Variants in FAM149A observed in about 807,000 individuals in gnomAD.
FAM149A encodes protein FAM149A.
Under a neutral mutation model 78.2 loss-of-function variants are expected in FAM149A, and 71 were observed. The ratio of observed to expected loss-of-function variants is 0.91; its 90% confidence interval spans 0.75 to 1.11. The LOEUF (loss-of-function observed/expected upper bound fraction) is 1.11. Ranked by LOEUF, FAM149A falls within the 50% of genes least tolerant of loss-of-function variation. The pLI, the probability that FAM149A is intolerant of heterozygous loss-of-function variation, is 0.00. For missense variants in FAM149A, 1,036 were observed against 971.0 expected (o/e 1.07, Z -0.89); for synonymous variants, 446 against 410.5 (o/e 1.09, Z -1.04).
In FAM149A at chr4:186,152,011, T is replaced by C. The variant is rs2126470976; in HGVS notation, c.898T>C (p.Cys300Arg). Residue 300 changes from cysteine to arginine, a missense_variant, in exon 4 of 14, where the codon TGC (cysteine) becomes CGC (arginine). By Grantham distance (180) the Cys-to-Arg change is radical. This residue lies in a region of FAM149A where 716 missense variants were observed against 711.8 expected (regional missense o/e 1.01). Transcript: ENST00000389354. ...TCAGACCCAGAGTCTGCTGGCCGAA[T>C]GCGGGGAGTGGACAAGAAGATCCCT... The C allele has an allele frequency of 4.3e-6, 7 of 1,614,080 alleles. No individual in the cohort carries two copies. The highest frequency in any genetic ancestry group is 5.1e-6 in the Non-Finnish European group (6 of 1,180,006).
intron 3 of FAM149A, among the ~76,000 whole-genome samples, chr4:186,150,477 G>C (rs13127757): frequency 0.034 from 3,938 of 115,784 alleles, 228 homozygotes; most frequent in African/African-American, 0.11. Context: ...TGGAGTGCAG[G>C]GGCGCGATCT....
At chr4:186,120,845 A>AT (rs1257473982) in intron 1 of FAM149A, among the ~76,000 whole-genome samples, 2 of 58,140 alleles carry the variant, frequency 3.4e-5, no homozygotes, top group Non-Finnish European at 6.5e-5. Flanking sequence ...TCAAAATAAT[A>AT]TTCTTTTTTT....
intron 13 of FAM149A, among the ~76,000 whole-genome samples, chr4:186,168,306 C>T (rs1735229169): frequency 6.6e-6 from 1 of 152,164 alleles, no homozygotes; most frequent in South Asian, 2.1e-4. Context: ...ATGTCAACAG[C>T]TCGTTCTCTA....
chr4:186,110,080 A>G lies in FAM149A; in HGVS notation c.566+4438A>G. 6 of 985,420 alleles carry G rather than the reference A, an allele frequency of 6.1e-6. No individual in the cohort carries two copies. The South Asian group carries it at 2.8e-4, about 46-fold the overall frequency. 61.0% of individuals were successfully genotyped at this position (985,420 alleles called of 1,614,324 possible). On this transcript the variant is annotated intron_variant, in intron 1 of 13. Transcript: ENST00000389354. Reference sequence around the variant, plus strand: ...TGATTTATATTCACATCTTATGTCCATTATCAGACTATAAACTCTTTGTCC... The same window carrying G: ...TGATTTATATTCACATCTTATGTCCGTTATCAGACTATAAACTCTTTGTCC...
chr4:186,154,530 C>T lies in FAM149A; in HGVS notation c.1121C>T (p.Pro374Leu), dbSNP rs199925675. 5.0e-6 allele frequency: 8 copies of T among 1,614,020 alleles called. No homozygotes were observed. Among genetic ancestry groups the T allele is most frequent in the African/African-American group, 1.3e-5 (1 of 74,924 alleles). Reference sequence around the variant, plus strand: ...CTCTCAGCCTCTGCCCTGCCAGGCCCTGATGACACAGGGGTTGCTGACCTA... The same window carrying T: ...CTCTCAGCCTCTGCCCTGCCAGGCCTTGATGACACAGGGGTTGCTGACCTA... The change falls in exon 6 of 14, where the codon CCT becomes CTT. Residue 374 changes from proline to leucine, a missense_variant. Pro to Leu is a moderately conservative substitution (Grantham distance 98, BLOSUM62 -3). Coordinates refer to ENST00000389354, the MANE Select transcript of FAM149A (RefSeq NM_001367768.3).
At chr4:186,120,367 G>A (rs2099315451) in intron 1 of FAM149A, among the ~76,000 whole-genome samples, 1 of 151,996 alleles carries the variant, frequency 6.6e-6, no homozygotes, top group Non-Finnish European at 1.5e-5. Context: ...TCCACACATA[G>A]GTATAACCAG....
At chr4:186,166,426 G>A (rs139379286) in intron 11 of FAM149A, among the ~76,000 whole-genome samples, 3,161 of 152,216 alleles carry the variant, frequency 0.021, 105 homozygotes, top group African/African-American at 0.073. Context: ...TGAGGTGGGT[G>A]GATCACGAGG....
intron 6 of FAM149A, among the ~76,000 whole-genome samples, chr4:186,155,622 G>A (rs1243289869): frequency 5.9e-5 from 9 of 151,968 alleles, no homozygotes; most frequent in African/African-American, 2.2e-4. Flanking sequence ...CTCTAAAAGG[G>A]AAGCCTATGG....
chr4:186,104,935 G>A lies in FAM149A; in HGVS notation c.-142G>A, dbSNP rs1214816106. On this transcript the variant is annotated 5_prime_UTR_variant, in exon 1 of 14. Coordinates refer to ENST00000389354, the MANE Select transcript of FAM149A (RefSeq NM_001367768.3). ...CAGCGGCGCGGAGCTGAGCGTCCTCGGGGAGGAGAGGGAGCCAGGGGCCTC... is the reference window on the plus strand; with the variant it reads ...CAGCGGCGCGGAGCTGAGCGTCCTCAGGGAGGAGAGGGAGCCAGGGGCCTC... The A allele has an allele frequency of 6.1e-6, 7 of 1,147,492 alleles. No homozygotes were observed. Among genetic ancestry groups the A allele is most frequent in the East Asian group, 1.9e-4 (2 of 10,336 alleles). The allele number at this position is 1,147,492 out of a possible 1,614,324, so 71.1% of individuals were successfully genotyped here.
rs982059036 is a variant in FAM149A, at chr4:186,164,454, C to T, written c.1889+821C>T. The stretch of plus-strand genomic sequence containing the variant: ...ATCAGGAGCCGAGCTCAGGAGCGGG[C>T]GGCTGCCAACGCTTACCTGGCACCC... On this transcript the variant is annotated intron_variant, in intron 10 of 13. Transcript: ENST00000389354. This position sits in a 1 kb window ranked among gnomAD's most constrained non-coding sequence, Gnocchi z 4.0. 53 of 985,222 alleles carry T rather than the reference C, an allele frequency of 5.4e-5. 1 individual carries two copies. Among genetic ancestry groups the T allele is most frequent in the African/African-American group, 4.7e-4 (27 of 57,240 alleles). The allele number at this position is 985,222 out of a possible 1,614,324, so 61.0% of individuals were successfully genotyped here. A position where few individuals can be genotyped will look rare whatever the true frequency, so the allele number is the denominator to read the frequency against.
intron 1 of FAM149A, among the ~76,000 whole-genome samples, chr4:186,106,854 AGAGGAT>A: frequency 6.6e-6 from 1 of 152,064 alleles, no homozygotes; most frequent in East Asian, 1.9e-4. Flanking sequence ...GGCTGAGGCA[AGAGGAT>A]GATGGCGTGA....
At chr4:186,135,880 A>G (rs904011883) in intron 1 of FAM149A, among the ~76,000 whole-genome samples, 1 of 152,216 alleles carries the variant, frequency 6.6e-6, no homozygotes. Flanking sequence ...GTGTGACCGC[A>G]GCGGGGAGCA....
At chr4:186,158,195 G>T in intron 8 of FAM149A, 1 of 1,281,036 alleles carries the variant, frequency 7.8e-7, no homozygotes, top group Non-Finnish European at 1.0e-6. Flanking sequence ...TCCAGCTGCT[G>T]GCCGCTTCTC....
Position 186,145,139 on chromosome 4 carries a change from G to A in FAM149A, c.567-4034G>A, listed in dbSNP as rs573162723. ...TGAGTCTCATCCGGCAGCAGGGCTC[G>A]CCTTCTGGCCGCTCTGCAGGCGATG... On this transcript the variant is annotated intron_variant, in intron 1 of 13. Coordinates refer to ENST00000389354, the MANE Select transcript of FAM149A (RefSeq NM_001367768.3). The A allele has an allele frequency of 2.2e-4, 218 of 985,588 alleles. 1 individual carries two copies. In the South Asian group the frequency reaches 9.1e-3, roughly 41 times the overall value. The allele number at this position is 985,588 out of a possible 1,614,324, so 61.1% of individuals were successfully genotyped here.
Position 186,132,922 on chromosome 4 carries a change from T to A in FAM149A, c.567-16251T>A, listed in dbSNP as rs1002127495. The A allele has an allele frequency of 6.2e-6, 6 of 960,244 alleles. No homozygotes were observed. In the African/African-American group the frequency reaches 8.8e-5, roughly 14 times the overall value. 59.5% of individuals were successfully genotyped at this position (960,244 alleles called of 1,614,324 possible). A position where few individuals can be genotyped will look rare whatever the true frequency, so the allele number is the denominator to read the frequency against. On this transcript the variant is annotated intron_variant, in intron 1 of 13. Coordinates refer to ENST00000389354, the MANE Select transcript of FAM149A (RefSeq NM_001367768.3). ...TCTTTCCCTAAATTCATGTTCATGT[T>A]AAGCCCTGAACCCCCAGTGTGATGG...
At chr4:186,155,138 A>T (rs1733948253) in intron 6 of FAM149A, among the ~76,000 whole-genome samples, 1 of 150,954 alleles carries the variant, frequency 6.6e-6, no homozygotes, top group Non-Finnish European at 1.5e-5. Context: ...AATTTTTTGA[A>T]TTTTTTTTTA....
Position 186,164,485 on chromosome 4 carries a change from T to G in FAM149A, c.1889+852T>G. The stretch of plus-strand genomic sequence containing the variant: ...CCAACGCTTACCTGGCACCCAGACT[T>G]TTTCCAGATGCAGTCATAACCCCCC... On this transcript the variant is annotated intron_variant, in intron 10 of 13. Coordinates refer to ENST00000389354, the MANE Select transcript of FAM149A (RefSeq NM_001367768.3). The surrounding 1 kb of genome is among the most constrained non-coding windows in gnomAD (Gnocchi z 4.0). 1 of 985,348 alleles carries G rather than the reference T, an allele frequency of 1.0e-6. No individual in the cohort carries two copies. Among genetic ancestry groups the G allele is most frequent in the Non-Finnish European group, 1.2e-6 (1 of 829,890 alleles). The allele number at this position is 985,348 out of a possible 1,614,324, so 61.0% of individuals were successfully genotyped here.
intron 6 of FAM149A, chr4:186,155,014 G>A: frequency 1.1e-6 from 1 of 882,626 alleles, no homozygotes; most frequent in African/African-American, 1.8e-5. Context: ...CCAGGCTAGA[G>A]TGCAGCCGTG....
At position 186,163,513 on chromosome 4, in the gene FAM149A, G is replaced by T; in HGVS notation, c.1769G>T (p.Gly590Val). 6.2e-7 allele frequency: 1 copy of T among 1,614,162 alleles called. No homozygotes were observed. The highest frequency in any genetic ancestry group is 1.7e-5 in the Admixed American group (1 of 60,018). Reference sequence around the variant, plus strand: ...CTGGGACGGGCCTCAGACACTCATGGATTATCACCTTCTGCAAAGAAAACA... The same window carrying T: ...CTGGGACGGGCCTCAGACACTCATGTATTATCACCTTCTGCAAAGAAAACA... Residue 590 changes from glycine (G) to valine (V), a missense_variant, in exon 10 of 14, where the codon GGA (glycine) becomes GTA (valine). Coordinates refer to ENST00000389354, the MANE Select transcript of FAM149A (RefSeq NM_001367768.3).
Sources: gnomAD v4.1 joint callset for allele counts (sites outside exome capture counted in the v4.1 genomes callset) on GRCh38, gnomAD v4.1.1 for gene constraint, gnomAD v4.1.1 regional missense constraint, Gnocchi (gnomAD v3.1) non-coding constraint, MANE v1.5 for transcripts, NCBI Gene and HGNC (gene_info 2026-07-23, HGNC 2026-07-21) for gene names.